SCFD2: variants seen among roughly 807,000 people sequenced by gnomAD.
SCFD2 encodes the protein sec1 family domain containing 2.
SCFD2 carries 54 observed loss-of-function variants against 58.9 expected under a neutral mutation model. The ratio of observed to expected loss-of-function variants is 0.92; its 90% CI spans 0.74 to 1.15. The LOEUF is 1.15. Ranked by LOEUF, SCFD2 falls within the 50% of genes most tolerant of loss-of-function variation. SCFD2 has a pLI of 0.00. For synonymous variants in SCFD2, 321 were observed against 335.9 expected, an observed-to-expected ratio of 0.96 and a Z score of 0.49; for missense variants, 805 against 836.6, an observed-to-expected ratio of 0.96 and a Z score of 0.47.
chr4:52,938,462 T>C (rs141616420), intron 5 of SCFD2, among the ~76,000 whole-genome samples: 7 of 152,298 alleles, frequency 4.6e-5, no homozygotes, highest in Non-Finnish European at 7.4e-5. Context: ...TTTAAATAAA[T>C]GGCTAGGAGA....
At chr4:53,343,309 A>G (rs1733944889) in intron 2 of SCFD2, among the ~76,000 whole-genome samples, 1 of 152,236 alleles carries the variant, frequency 6.6e-6, no homozygotes, top group Non-Finnish European at 1.5e-5. Flanking sequence ...CTACCATCAG[A>G]GAATACTATA....
At chr4:53,146,042 A>G (rs1726321250) in intron 4 of SCFD2, among the ~76,000 whole-genome samples, 1 of 152,216 alleles carries the variant, frequency 6.6e-6, no homozygotes, top group South Asian at 2.1e-4. Flanking sequence ...TTTCTATATC[A>G]GCAAATATTA....
intron 5 of SCFD2, among the ~76,000 whole-genome samples, chr4:53,061,779 C>G (rs530494124): frequency 5.9e-5 from 9 of 152,086 alleles, no homozygotes; most frequent in Non-Finnish European, 1.3e-4. Context: ...ACAAGAAATT[C>G]TCATAACGGC....
intron 4 of SCFD2, among the ~76,000 whole-genome samples, chr4:53,194,567 G>A (rs1352720177): frequency 6.6e-6 from 1 of 152,140 alleles, no homozygotes; most frequent in East Asian, 1.9e-4. Flanking sequence ...AGCCAAAGAA[G>A]TACCAGTAGT....
chr4:53,179,696 AC>A (rs1727475157), intron 4 of SCFD2, among the ~76,000 whole-genome samples: 1 of 152,182 alleles, frequency 6.6e-6, no homozygotes, highest in South Asian at 2.1e-4. Flanking sequence ...ATTAAAAGAC[AC>A]AGACTGGCAA....
At chr4:52,996,263 GC>G (rs1721739005) in intron 5 of SCFD2, among the ~76,000 whole-genome samples, 1 of 152,130 alleles carries the variant, frequency 6.6e-6, no homozygotes, top group African/African-American at 2.4e-5. Flanking sequence ...GGACCCCACT[GC>G]CTCCCAGAGC....
At chr4:53,136,794 T>A (rs1159882361) in intron 5 of SCFD2, among the ~76,000 whole-genome samples, 3 of 152,304 alleles carry the variant, frequency 2.0e-5, no homozygotes, top group African/African-American at 2.4e-5. Flanking sequence ...AGCCTCTACA[T>A]TCTATTACCA....
At chr4:53,276,071 A>G (rs1459727319) in intron 3 of SCFD2, among the ~76,000 whole-genome samples, 1 of 151,882 alleles carries the variant, frequency 6.6e-6, no homozygotes, top group East Asian at 1.9e-4. Flanking sequence ...TCCTTTAGGC[A>G]AATTTCTAGG....
At chr4:53,153,093 C>G (rs1726560789) in intron 4 of SCFD2, among the ~76,000 whole-genome samples, 1 of 152,224 alleles carries the variant, frequency 6.6e-6, no homozygotes, top group Non-Finnish European at 1.5e-5. Context: ...ATGGCTCCAC[C>G]ATTCTGCAGT....
intron 4 of SCFD2, among the ~76,000 whole-genome samples, chr4:53,247,547 T>C (rs1164679725): frequency 2.0e-5 from 3 of 152,162 alleles, no homozygotes; most frequent in Non-Finnish European, 2.9e-5. Flanking sequence ...CACCATGGAA[T>C]ACTATGCAGC....
intron 5 of SCFD2, among the ~76,000 whole-genome samples, chr4:53,067,586 G>T (rs2148846325): frequency 6.6e-6 from 1 of 152,094 alleles, no homozygotes; most frequent in East Asian, 1.9e-4. Context: ...AATTTCTCAT[G>T]ATATCTGATG....
intron 7 of SCFD2, among the ~76,000 whole-genome samples, chr4:52,896,564 C>T (rs1293140866): frequency 3.9e-5 from 6 of 152,116 alleles, no homozygotes; most frequent in Non-Finnish European, 8.8e-5. Flanking sequence ...GTTACTGTAG[C>T]CTTGTAGTAT....
rs572720104 is a variant in SCFD2, at chr4:53,316,082, G to T, written c.1008-2319C>A. ...TGCTAAAACATCACCTTATCAGAGA[G>T]GTCTCCCCTTACTGCCCTGCTTAAA... is the stretch of plus-strand genomic sequence containing the variant. On this transcript the variant is annotated intron_variant, in intron 2 of 8. Transcript: ENST00000401642. Among the ~76,000 whole-genome samples the T allele has an allele frequency of 1.1e-4, 16 of 152,252 alleles. No homozygotes were observed. In the South Asian group the frequency reaches 3.3e-3, roughly 32 times the overall value.
chr4:52,989,377 T>C (rs1270704174), intron 5 of SCFD2, among the ~76,000 whole-genome samples: 2 of 152,272 alleles, frequency 1.3e-5, no homozygotes, highest in African/African-American at 4.8e-5. Context: ...AATAGTCTTA[T>C]TAACAGAATA....
intron 5 of SCFD2, among the ~76,000 whole-genome samples, chr4:53,122,743 G>A (rs1456712733): frequency 6.6e-6 from 1 of 152,168 alleles, no homozygotes; most frequent in Non-Finnish European, 1.5e-5. Context: ...AAACTGGGTA[G>A]TAACACCTAC....
intron 5 of SCFD2, among the ~76,000 whole-genome samples, chr4:53,092,260 A>G (rs1318431382): frequency 6.6e-6 from 1 of 152,204 alleles, no homozygotes; most frequent in Admixed American, 6.6e-5. Context: ...AACACGTCAT[A>G]TGACACATAA....
intron 4 of SCFD2, among the ~76,000 whole-genome samples, chr4:53,272,738 A>T (rs1731212537): frequency 6.6e-6 from 1 of 152,112 alleles, no homozygotes; most frequent in Admixed American, 6.5e-5. Context: ...GCATTAGGAG[A>T]TATACCTAAT....
chr4:53,245,272 C>G (rs1730030999), intron 4 of SCFD2, among the ~76,000 whole-genome samples: 1 of 151,874 alleles, frequency 6.6e-6, no homozygotes, highest in Non-Finnish European at 1.5e-5. Flanking sequence ...CCGAATTATC[C>G]TGATAGAAAA....
chr4:53,328,147 A>C (rs1733274117), intron 2 of SCFD2, among the ~76,000 whole-genome samples: 1 of 151,900 alleles, frequency 6.6e-6, no homozygotes, highest in Non-Finnish European at 1.5e-5. Context: ...AAAAAAACAA[A>C]AAAAAAACAA....
Sources: allele counts gnomAD v4.1 joint callset (sites outside exome capture counted in the v4.1 genomes callset), GRCh38; gene constraint gnomAD v4.1.1; transcripts MANE v1.5; gene names NCBI Gene and HGNC (gene_info 2026-07-23, HGNC 2026-07-21).